FHIT: variants seen among roughly 807,000 people sequenced by gnomAD.
The protein encoded by FHIT is fragile histidine triad diadenosine triphosphatase, also known as bis(5'-adenosyl)-triphosphatase.
A neutral mutation model predicts 17.9 loss-of-function variants in FHIT; 19 were observed. The observed-to-expected ratio is 1.06, with a 90% CI of 0.74 to 1.56. FHIT has a LOEUF of 1.56. Ranked by LOEUF, FHIT falls within the 40% of genes most tolerant of loss-of-function variation. The probability of loss-of-function intolerance (pLI) is 0.00; values close to 1 mark genes in which losing one functional copy is unlikely to be tolerated. For missense variants in FHIT, 248 were observed against 189.2 expected (o/e 1.31, Z -1.82); for synonymous variants, 81 against 69.7 (o/e 1.16, Z -0.81).
chr3:60,477,478 G>C (rs1173594775), intron 5 of FHIT, among the ~76,000 whole-genome samples: 1 of 152,088 alleles, frequency 6.6e-6, no homozygotes, highest in Non-Finnish European at 1.5e-5. Flanking sequence ...TATGCATACT[G>C]AATGTGTACT....
chr3:60,133,737 AC>A (rs1699694699), intron 5 of FHIT, among the ~76,000 whole-genome samples: 2 of 148,736 alleles, frequency 1.3e-5, no homozygotes, highest in Admixed American at 1.3e-4. Context: ...GCTCCTCCTG[AC>A]TTTTTTTTTT....
chr3:60,578,440 AACACACACAC>A lies in FHIT; in HGVS notation c.-17-41471_-17-41462del, dbSNP rs71748891. 1.6e-3 allele frequency among the ~76,000 whole-genome samples: 226 copies of A among 144,394 alleles called. 3 individuals are homozygous for A. The highest frequency in any genetic ancestry group is 1.5e-3 in the African/African-American group (58 of 38,406). 94.7% of individuals were successfully genotyped at this position (144,394 alleles called of 152,430 possible). A position where few individuals can be genotyped will look rare whatever the true frequency, so the allele number is the denominator to read the frequency against. The stretch of plus-strand genomic sequence containing the variant: ...CGAAAGAGCATGACTCCATCTACAA[AACACACACAC>A]ACACACACACACACACACACACACA... On this transcript the variant is annotated intron_variant, in intron 4 of 9. Coordinates refer to ENST00000492590, the MANE Select transcript of FHIT (RefSeq NM_002012.4).
intron 1 of FHIT, among the ~76,000 whole-genome samples, chr3:61,212,938 T>C (rs1182829134): frequency 6.6e-6 from 1 of 152,154 alleles, no homozygotes; most frequent in Non-Finnish European, 1.5e-5. Context: ...TAAAATCCTT[T>C]ACAGACAAGC....
At chr3:60,766,976 C>T (rs1699878055) in intron 4 of FHIT, among the ~76,000 whole-genome samples, 1 of 152,200 alleles carries the variant, frequency 6.6e-6, no homozygotes, top group Admixed American at 6.5e-5. Flanking sequence ...TCCTTTTGGA[C>T]ATTTTTCATG....
At chr3:61,042,649 G>C (rs2033575224) in intron 2 of FHIT, among the ~76,000 whole-genome samples, 3 of 151,970 alleles carry the variant, frequency 2.0e-5, no homozygotes, top group South Asian at 4.2e-4. Context: ...GACCAGCCTG[G>C]CCAACATGGT....
intron 5 of FHIT, among the ~76,000 whole-genome samples, chr3:60,217,062 A>G (rs1366472892): frequency 2.0e-5 from 3 of 152,216 alleles, no homozygotes; most frequent in Admixed American, 2.0e-4. Context: ...TAATGGCTAT[A>G]TTAAAGCATT....
chr3:60,495,871 G>A (rs1295509002), intron 5 of FHIT, among the ~76,000 whole-genome samples: 1 of 152,066 alleles, frequency 6.6e-6, no homozygotes, highest in African/African-American at 2.4e-5. Flanking sequence ...GAGACCAACT[G>A]AACTCAGTGG....
chr3:60,061,300 G>A (rs1197612434), intron 5 of FHIT, among the ~76,000 whole-genome samples: 1 of 152,194 alleles, frequency 6.6e-6, no homozygotes, highest in Non-Finnish European at 1.5e-5. Context: ...GTGATGGCCC[G>A]AGGCCCTGCC....
chr3:60,944,716 T>C (rs1027622734), intron 3 of FHIT, among the ~76,000 whole-genome samples: 3 of 152,172 alleles, frequency 2.0e-5, no homozygotes, highest in Admixed American at 6.5e-5. Context: ...AATGATATTA[T>C]GGGACAGTGC....
At chr3:60,920,992 T>C (rs1553768200) in intron 3 of FHIT, among the ~76,000 whole-genome samples, 7 of 152,310 alleles carry the variant, frequency 4.6e-5, no homozygotes, top group Non-Finnish European at 2.9e-5. Context: ...GCTAACTGTA[T>C]AAGTATAGGT....
chr3:60,373,013 G>C (rs1174006181), intron 5 of FHIT, among the ~76,000 whole-genome samples: 3 of 150,946 alleles, frequency 2.0e-5, no homozygotes, highest in African/African-American at 7.3e-5. Context: ...CAAAATAATT[G>C]GATTAAAATC....
intron 3 of FHIT, among the ~76,000 whole-genome samples, chr3:60,903,723 C>T (rs1287077178): frequency 6.6e-6 from 1 of 152,190 alleles, no homozygotes; most frequent in Non-Finnish European, 1.5e-5. Context: ...CAATTTTACA[C>T]ATTTAATTCA....
rs11291510 is a variant in FHIT, at chr3:60,333,476, GTT to G, written c.103+203382_103+203383del. 1.6e-3 allele frequency among the ~76,000 whole-genome samples: 231 copies of G among 148,940 alleles called. 1 individual carries two copies. The highest frequency in any genetic ancestry group is 4.4e-3 in the African/African-American group (178 of 40,720). ...GTGCCCTAAAAGGCATATTTGAACT[GTT>G]TTTTTTTTTGAATTACAAACCAATT... is the stretch of plus-strand genomic sequence containing the variant. On this transcript the variant is annotated intron_variant, in intron 5 of 9. Transcript: ENST00000492590.
chr3:60,563,163 A>G (rs2037013643), intron 4 of FHIT, among the ~76,000 whole-genome samples: 1 of 152,174 alleles, frequency 6.6e-6, no homozygotes, highest in African/African-American at 2.4e-5. Flanking sequence ...TTAAGAAGCT[A>G]CAAAGGCGAG....
chr3:60,040,422 G>A (rs1413374049), intron 5 of FHIT, among the ~76,000 whole-genome samples: 1 of 152,234 alleles, frequency 6.6e-6, no homozygotes, highest in South Asian at 2.1e-4. Flanking sequence ...GGGATTACAG[G>A]CATGAGCCAC....
chr3:60,869,905 T>A (rs1470800932), intron 3 of FHIT, among the ~76,000 whole-genome samples: 1 of 152,160 alleles, frequency 6.6e-6, no homozygotes, highest in African/African-American at 2.4e-5. Context: ...TTTTTCTCGG[T>A]TCCCAAGGGG....
intron 4 of FHIT, among the ~76,000 whole-genome samples, chr3:60,609,325 T>A (rs536693265): frequency 9.2e-5 from 12 of 130,928 alleles, no homozygotes; most frequent in Non-Finnish European, 1.6e-5. Context: ...TTGCTTCCTT[T>A]TTTATTTATT....
chr3:60,512,207 G>C (rs1328698286), intron 5 of FHIT, among the ~76,000 whole-genome samples: 1 of 152,160 alleles, frequency 6.6e-6, no homozygotes, highest in African/African-American at 2.4e-5. Flanking sequence ...GGAAAAGATT[G>C]ACTGATATGT....
chr3:60,430,641 A>G (rs367648254), intron 5 of FHIT, among the ~76,000 whole-genome samples: 12 of 152,154 alleles, frequency 7.9e-5, no homozygotes, highest in African/African-American at 2.6e-4. Context: ...CTGTATTTTT[A>G]TAACTCTCAT....
Sources: allele counts gnomAD v4.1 joint callset (sites outside exome capture counted in the v4.1 genomes callset), GRCh38; gene constraint gnomAD v4.1.1; transcripts MANE v1.5; gene names NCBI Gene and HGNC (gene_info 2026-07-23, HGNC 2026-07-21).